Variants in PACS2 observed in about 807,000 individuals in gnomAD.
The protein encoded by PACS2 is PACS1-like protein.
PACS2 carries 36 observed loss-of-function variants against 113.0 expected under a neutral mutation model. The ratio of observed to expected loss-of-function variants is 0.32; its 90% CI spans 0.24 to 0.42. The LOEUF (loss-of-function observed/expected upper bound fraction) is 0.42. Among genes scored for constraint, PACS2 ranks in the 10% least tolerant of loss-of-function variants. PACS2 has a pLI of 1.00. For synonymous variants in PACS2, 589 were observed against 536.1 expected (o/e 1.10, Z -1.36); for missense variants, 1,015 against 1,239.5 (o/e 0.82, Z 2.72).
At chr14:105,326,961 C>T (rs1033498676) in intron 1 of PACS2, among the ~76,000 whole-genome samples, 3 of 152,202 alleles carry the variant, frequency 2.0e-5, no homozygotes, top group Non-Finnish European at 4.4e-5. Context: ...CCTAGCTGGA[C>T]GTAAAGGTTG....
Position 105,384,393 on chromosome 14 carries a change from C to T in PACS2, c.1821C>T (p.Tyr607=). 1 of 1,612,418 alleles carries T rather than the reference C, an allele frequency of 6.2e-7. No individual in the cohort carries two copies. The highest frequency in any genetic ancestry group is 8.5e-7 in the Non-Finnish European group (1 of 1,179,782). ...CCAGGTACCTAGGCTCCGTGGACTA[C>T]CGCTACAACAACTTCTTCCAGGACC... ...PVARYLGSVD[Y]RYNNFFQDLA... is the part of the protein sequence containing the mutation. The change falls in exon 17 of 25, where the codon TAC becomes TAT. Residue 607 remains tyrosine, a synonymous_variant. Coordinates refer to ENST00000447393, the MANE Select transcript of PACS2 (RefSeq NM_001100913.3).
intron 24 of PACS2, 126 bp from the exon 25 acceptor site, chr14:105,394,428 C>T: frequency 6.7e-7 from 1 of 1,497,916 alleles, no homozygotes; most frequent in South Asian, 1.3e-5. Context: ...TTGATGCCCT[C>T]CAGCATGGGG....
Position 105,379,766 on chromosome 14 carries a change from G to C in PACS2, c.987G>C (p.Ser329=), listed in dbSNP as rs781893967. The C allele has an allele frequency of 6.2e-7, 1 of 1,613,564 alleles. No individual in the cohort carries two copies. The highest frequency in any genetic ancestry group is 1.7e-5 in the Admixed American group (1 of 60,002). The part of the protein sequence containing the change: ...LRPYFEGLSH[S]SSQTEIGSIH... Reference sequence around the variant, plus strand: ...CATACTTTGAAGGCCTGTCGCACTCGAGCTCGCAGACGGAGATTGGGAGCA... The same window carrying C: ...CATACTTTGAAGGCCTGTCGCACTCCAGCTCGCAGACGGAGATTGGGAGCA... The change falls in exon 10 of 25, where the codon TCG becomes TCC. Residue 329 remains serine (S), a synonymous_variant. Transcript: ENST00000447393.
chr14:105,385,043 C>T (rs1004284990), intron 18 of PACS2, 56 bp downstream of exon 18: 15 of 1,092,260 alleles, frequency 1.4e-5, no homozygotes, highest in Admixed American at 2.0e-5. Flanking sequence ...ACCAACCCTC[C>T]GTGGGCCTCC....
chr14:105,362,336 T>G (rs2060742292), intron 4 of PACS2, among the ~76,000 whole-genome samples: 1 of 146,944 alleles, frequency 6.8e-6, no homozygotes, highest in Non-Finnish European at 1.5e-5. Flanking sequence ...GAGAATGGTG[T>G]GAACCTGGAG....
rs1246609323 is a variant in PACS2 at position 105,340,992 on chromosome 14, G to T, written c.120-7501G>T. On this transcript the variant is annotated intron_variant, in intron 1 of 24. Transcript: ENST00000447393. This position sits in a 1 kb window ranked among gnomAD's most constrained non-coding sequence, Gnocchi z 4.2. ...GGGGAGGCTCGCTACCAAGGGGTGGGGGGCTGGAGAACGGAGCTTGGAGAC... is the reference window on the plus strand; with the variant it reads ...GGGGAGGCTCGCTACCAAGGGGTGGTGGGCTGGAGAACGGAGCTTGGAGAC... Among the ~76,000 whole-genome samples the T allele has an allele frequency of 1.3e-5, 2 of 152,272 alleles. No individual in the cohort carries two copies. Among genetic ancestry groups the T allele is most frequent in the African/African-American group, 4.8e-5 (2 of 41,484 alleles).
intron 1 of PACS2, among the ~76,000 whole-genome samples, chr14:105,336,268 A>G (rs765405281): frequency 3.3e-5 from 5 of 152,192 alleles, no homozygotes; most frequent in Non-Finnish European, 5.9e-5. Context: ...TGGGGTTGAC[A>G]TGCGCCTCGA....
intron 19 of PACS2, 66 bp downstream of exon 19, chr14:105,385,783 CAG>C: frequency 2.8e-6 from 3 of 1,056,336 alleles, no homozygotes; most frequent in Non-Finnish European, 2.6e-6. Flanking sequence ...GCTTGTTTGG[CAG>C]AGTCACGTAG....
chr14:105,391,135 G>C (rs2081342160), intron 20 of PACS2, 72 bp from the exon 21 acceptor site: 2 of 1,189,036 alleles, frequency 1.7e-6, no homozygotes. Flanking sequence ...GGGGAGGCGG[G>C]AGCCCCACTG....
Position 105,376,993 on chromosome 14 carries a change from C to T in PACS2, c.959+68C>T, listed in dbSNP as rs2080807231. 4 of 1,471,304 alleles carry T rather than the reference C, an allele frequency of 2.7e-6. No individual in the cohort carries two copies. Among genetic ancestry groups the T allele is most frequent in the South Asian group, 1.3e-5 (1 of 77,050 alleles). 91.1% of individuals were successfully genotyped at this position (1,471,304 alleles called of 1,614,324 possible). The stretch of plus-strand genomic sequence containing the variant: ...ATGCCCCGGCCACTCTGCGACCACT[C>T]TGGCAGACCCATGTCCAGCCCTGGA... On this transcript the variant is annotated intron_variant, in intron 9 of 24. Coordinates refer to ENST00000447393, the MANE Select transcript of PACS2 (RefSeq NM_001100913.3). The surrounding 1 kb of genome is among the most constrained non-coding windows in gnomAD (Gnocchi z 4.7).
intron 1 of PACS2, among the ~76,000 whole-genome samples, chr14:105,307,562 T>A (rs1039257864): frequency 5.9e-5 from 9 of 152,338 alleles, no homozygotes; most frequent in Non-Finnish European, 1.3e-4. Flanking sequence ...GTCTGTCATC[T>A]TATCACATTT....
chr14:105,318,234 C>T (rs12886064), intron 1 of PACS2, among the ~76,000 whole-genome samples: 5,219 of 152,304 alleles, frequency 0.034, 116 homozygotes, highest in Non-Finnish European at 0.05. Flanking sequence ...CCTCTCACCT[C>T]GGCCTCCCGA....
chr14:105,351,517 C>G (rs971176455), intron 2 of PACS2, among the ~76,000 whole-genome samples: 27 of 152,118 alleles, frequency 1.8e-4, no homozygotes, highest in Non-Finnish European at 4.0e-4. Flanking sequence ...TCTGAGAGGA[C>G]CAGTCAGGCC....
At chr14:105,349,823 A>G (rs12884469) in intron 2 of PACS2, among the ~76,000 whole-genome samples, 37 of 147,716 alleles carry the variant, frequency 2.5e-4, no homozygotes, top group African/African-American at 9.7e-4. Context: ...GCAGGACCCC[A>G]AGAACTTCCA....
rs587673508 is a variant in PACS2, at chr14:105,358,608, A to G, written c.423+3431A>G. On this transcript the variant is annotated intron_variant, in intron 4 of 24. Transcript: ENST00000447393. This position sits in a 1 kb window ranked among gnomAD's most constrained non-coding sequence, Gnocchi z 4.9. ...TGGGGCCTGTGGGCTCCCCGACAAGACAGGAAGGTTGACAGACCCATGACC... is the reference window on the plus strand; with the variant it reads ...TGGGGCCTGTGGGCTCCCCGACAAGGCAGGAAGGTTGACAGACCCATGACC... Among the ~76,000 whole-genome samples, 9 of 152,218 alleles carry G rather than the reference A, an allele frequency of 5.9e-5. No homozygotes were observed. The South Asian group carries it at 1.9e-3, about 32-fold the overall frequency.
At chr14:105,377,302 C>A (rs1011087210) in intron 9 of PACS2, among the ~76,000 whole-genome samples, 9 of 152,020 alleles carry the variant, frequency 5.9e-5, no homozygotes, top group African/African-American at 1.5e-4. Context: ...AGTAGAGCTC[C>A]CATGCTGGGT....
At chr14:105,387,476 C>T (rs1035809013) in intron 19 of PACS2, among the ~76,000 whole-genome samples, 7 of 152,212 alleles carry the variant, frequency 4.6e-5, no homozygotes, top group South Asian at 4.1e-4. Flanking sequence ...CCTCCGTGCC[C>T]GCGGGGCCTC....
In PACS2 at chr14:105,348,407, C is replaced by CGGGGTGACACAGTGCT; in HGVS notation, c.120-82_120-67dup. On this transcript the variant is annotated intron_variant, in intron 1 of 24. Coordinates refer to ENST00000447393, the MANE Select transcript of PACS2 (RefSeq NM_001100913.3). The surrounding 1 kb of genome is among the most constrained non-coding windows in gnomAD (Gnocchi z 6.4). ...CCCTGCACCCCAGGGTGCAGGCTCCCGGGGTGACACAGTGCTGGGACGGCA... is the reference window on the plus strand; with the variant it reads ...CCCTGCACCCCAGGGTGCAGGCTCCCGGGGTGACACAGTGCTGGGGTGACACAGTGCTGGGACGGCA... 9.5e-7 allele frequency: 1 copy of CGGGGTGACACAGTGCT among 1,053,022 alleles called. No individual in the cohort carries two copies. Among genetic ancestry groups the CGGGGTGACACAGTGCT allele is most frequent in the East Asian group, 2.4e-5 (1 of 41,690 alleles). 65.2% of individuals were successfully genotyped at this position (1,053,022 alleles called of 1,614,324 possible).
chr14:105,302,198 T>C (rs1294536778), intron 1 of PACS2, among the ~76,000 whole-genome samples: 1 of 150,972 alleles, frequency 6.6e-6, no homozygotes, highest in East Asian at 1.9e-4. Flanking sequence ...CCTCTTTTTT[T>C]TCTTTCTTTT....
Sources: allele counts gnomAD v4.1 joint callset (sites outside exome capture counted in the v4.1 genomes callset), GRCh38; gene constraint gnomAD v4.1.1; non-coding constraint Gnocchi (gnomAD v3.1); transcripts MANE v1.5; gene names NCBI Gene and HGNC (gene_info 2026-07-23, HGNC 2026-07-21).